Variants in RABL3 observed in about 807,000 individuals in gnomAD.
RABL3 encodes the protein RAB, member of RAS oncogene family like 3.
Under a neutral mutation model 31.8 loss-of-function variants are expected in RABL3, and 31 were observed. That is an observed-to-expected ratio of 0.97 (90% CI 0.73 to 1.31). The LOEUF (loss-of-function observed/expected upper bound fraction) is 1.31, where lower values mean the gene tolerates loss of function less well. RABL3 is among the 40% of genes most tolerant of loss of function. The pLI is 0.00. For missense variants in RABL3, 263 were observed against 279.6 expected (o/e 0.94, Z 0.42); for synonymous variants, 97 against 99.9 (o/e 0.97, Z 0.18).
intron 4 of RABL3, among the ~76,000 whole-genome samples, chr3:120,702,703 G>A (rs905986622): frequency 1.1e-4 from 17 of 151,490 alleles, no homozygotes; most frequent in African/African-American, 3.9e-4. Context: ...GACTACAGGC[G>A]CCCGCCACAA....
intron 1 of RABL3, among the ~76,000 whole-genome samples, chr3:120,735,222 GC>G (rs1708941716): frequency 1.1e-5 from 1 of 91,786 alleles, no homozygotes; most frequent in South Asian, 2.7e-4. Context: ...CAATTTCCAA[GC>G]CTGTTATTGG....
chr3:120,709,406 T>C (rs1708586537), intron 3 of RABL3, among the ~76,000 whole-genome samples: 1 of 152,044 alleles, frequency 6.6e-6, no homozygotes, highest in Admixed American at 6.6e-5. Context: ...TCTATCTCTG[T>C]GTTATCTGGC....
intron 1 of RABL3, among the ~76,000 whole-genome samples, chr3:120,736,687 T>A (rs570176634): frequency 1.2e-4 from 19 of 152,214 alleles, no homozygotes; most frequent in Admixed American, 2.6e-4. Flanking sequence ...TTCCTTTCCA[T>A]GTTTAGTGCT....
Position 120,720,278 on chromosome 3 carries a change from C to G in RABL3, c.139-10369G>C, listed in dbSNP as rs557982523. 2.6e-5 allele frequency among the ~76,000 whole-genome samples: 4 copies of G among 152,312 alleles called. No individual in the cohort carries two copies. In the East Asian group the frequency reaches 7.7e-4, roughly 29 times the overall value. On this transcript the variant is annotated intron_variant, in intron 2 of 7. Coordinates refer to ENST00000273375, the MANE Select transcript of RABL3 (RefSeq NM_173825.5). The stretch of plus-strand genomic sequence containing the variant: ...CTGAAAATTCTGAAAATCAGAGTGC[C>G]TCTCCTCCTCCAAAGGAACGCAGCT...
intron 6 of RABL3, among the ~76,000 whole-genome samples, chr3:120,690,986 C>T (rs145064889): frequency 0.012 from 1,777 of 152,242 alleles, 27 homozygotes; most frequent in African/African-American, 0.04. Flanking sequence ...GATGACACAA[C>T]ATCAAAAGCA....
chr3:120,704,875 T>G (rs1455908357), intron 4 of RABL3, among the ~76,000 whole-genome samples: 1 of 152,056 alleles, frequency 6.6e-6, no homozygotes, highest in Non-Finnish European at 1.5e-5. Context: ...TGAAACCCTG[T>G]CTCTGCCAAA....
intron 3 of RABL3, among the ~76,000 whole-genome samples, chr3:120,706,628 T>TTTTTTTTTTTTTTTTTTTTTTTTTTTTTG (rs1216005895): frequency 2.6e-5 from 4 of 151,256 alleles, no homozygotes; most frequent in Non-Finnish European, 3.0e-5. Context: ...TGCTATTCTT[T>TTTTTTTTTTTTTTTTTTTTTTTTTTTTTG]AGCTGACAAA....
At chr3:120,690,932 C>T (rs1197078304) in intron 6 of RABL3, among the ~76,000 whole-genome samples, 1 of 152,134 alleles carries the variant, frequency 6.6e-6, no homozygotes, top group Non-Finnish European at 1.5e-5. Flanking sequence ...CACCACATCC[C>T]TATAGTAAGT....
intron 2 of RABL3, among the ~76,000 whole-genome samples, chr3:120,715,915 G>C (rs1303022575): frequency 6.6e-6 from 1 of 151,984 alleles, no homozygotes; most frequent in Non-Finnish European, 1.5e-5. Context: ...AAATGAATAG[G>C]GGCACTAACA....
At chr3:120,730,659 T>C (rs1708871256) in intron 2 of RABL3, 37 bp downstream of exon 2, 1 of 1,318,486 alleles carries the variant, frequency 7.6e-7, no homozygotes, top group South Asian at 1.2e-5. Flanking sequence ...TTATCTTTAG[T>C]ACATTATTGA....
intron 2 of RABL3, among the ~76,000 whole-genome samples, chr3:120,720,499 T>A (rs1708725803): frequency 6.6e-6 from 1 of 152,176 alleles, no homozygotes; most frequent in Non-Finnish European, 1.5e-5. Flanking sequence ...AAGGACCTGA[T>A]GGAGCTGAAA....
chr3:120,686,515 A>G lies in RABL3; in HGVS notation c.*3308T>C, dbSNP rs1708309151. 6.6e-6 allele frequency among the ~76,000 whole-genome samples: 1 copy of G among 152,208 alleles called. No individual in the cohort carries two copies. The highest frequency in any genetic ancestry group is 6.5e-5 in the Admixed American group (1 of 15,278). The stretch of plus-strand genomic sequence containing the variant: ...AAACAAGTGTCAGGGCACCTGGATT[A>G]TATCATGAATGCCTCAAGTTTGAGG... On this transcript the variant is annotated 3_prime_UTR_variant, in exon 8 of 8. Transcript: ENST00000273375.
intron 5 of RABL3, among the ~76,000 whole-genome samples, chr3:120,696,127 A>T (rs1708433040): frequency 6.6e-6 from 1 of 152,236 alleles, no homozygotes; most frequent in South Asian, 2.1e-4. Flanking sequence ...TAAGCCTAAC[A>T]GGATTTTAGA....
intron 2 of RABL3, among the ~76,000 whole-genome samples, chr3:120,719,858 T>C (rs996254541): frequency 1.6e-4 from 24 of 152,170 alleles, no homozygotes; most frequent in African/African-American, 4.3e-4. Context: ...AGCATGCAGC[T>C]TGAGATCTGA....
At chr3:120,693,421 C>T (rs1708402387) in intron 6 of RABL3, among the ~76,000 whole-genome samples, 1 of 152,086 alleles carries the variant, frequency 6.6e-6, no homozygotes, top group South Asian at 2.1e-4. Context: ...TAGGAGATGT[C>T]ACTTAAAAAG....
chr3:120,690,293 G>C (rs1387640413), intron 7 of RABL3, among the ~76,000 whole-genome samples, 156 bp downstream of exon 7: 1 of 151,640 alleles, frequency 6.6e-6, no homozygotes, highest in East Asian at 1.9e-4. Context: ...CCTTTGTTCT[G>C]ATTTTCTCCT....
chr3:120,740,829 CAG>C (rs1709032365), intron 1 of RABL3, among the ~76,000 whole-genome samples: 1 of 152,220 alleles, frequency 6.6e-6, no homozygotes, highest in South Asian at 2.1e-4. Context: ...CTGGCCATCA[CAG>C]CTGTGTCTTC....
chr3:120,699,184 A>G (rs902513314), intron 4 of RABL3, among the ~76,000 whole-genome samples: 9 of 152,158 alleles, frequency 5.9e-5, no homozygotes, highest in Non-Finnish European at 4.4e-5. Flanking sequence ...TAGCCTGGGA[A>G]AGGTGGATTA....
intron 2 of RABL3, chr3:120,722,316 G>A (rs1014024578): frequency 3.3e-5 from 5 of 152,002 alleles, no homozygotes; most frequent in African/African-American, 4.8e-5. Flanking sequence ...ATAAAACCTA[G>A]ACGAAAAAGG....
Sources: allele counts gnomAD v4.1 joint callset (sites outside exome capture counted in the v4.1 genomes callset), GRCh38; gene constraint gnomAD v4.1.1; transcripts MANE v1.5; gene names NCBI Gene and HGNC (gene_info 2026-07-23, HGNC 2026-07-21).